LHFPL3: variants seen among roughly 807,000 people sequenced by gnomAD.
LHFPL3 encodes the protein LHFPL tetraspan subfamily member 3 protein.
Under a neutral mutation model 19.3 loss-of-function variants are expected in LHFPL3, and 5 were observed. The observed-to-expected ratio is 0.26, with a 90% CI of 0.14 to 0.54. The LOEUF is 0.54. Among genes scored for constraint, LHFPL3 ranks in the 20% least tolerant of loss-of-function variants. The pLI is 0.94. For synonymous variants in LHFPL3, 133 were observed against 126.2 expected, an observed-to-expected ratio of 1.05 and a Z score of -0.36; for missense variants, 249 against 307.4, an observed-to-expected ratio of 0.81 and a Z score of 1.42.
intron 1 of LHFPL3, among the ~76,000 whole-genome samples, chr7:104,486,693 T>TA (rs1239938180): frequency 1.1e-4 from 16 of 152,216 alleles, no homozygotes; most frequent in African/African-American, 3.6e-4. Context: ...TATTATTTCT[T>TA]AAAAAATGAA....
chr7:104,707,609 G>A (rs982465324), intron 1 of LHFPL3, among the ~76,000 whole-genome samples: 3 of 152,180 alleles, frequency 2.0e-5, no homozygotes, highest in Non-Finnish European at 2.9e-5. Flanking sequence ...CCTCTGACAC[G>A]TGAGGAGTTT....
intron 1 of LHFPL3, chr7:104,669,532 G>T: frequency 6.2e-7 from 1 of 1,611,816 alleles, no homozygotes. Context: ...TGCTCTCTCT[G>T]TTGATGGTGA....
At chr7:104,885,982 T>C (rs903370112) in intron 2 of LHFPL3, among the ~76,000 whole-genome samples, 1 of 152,166 alleles carries the variant, frequency 6.6e-6, no homozygotes, top group East Asian at 1.9e-4. Flanking sequence ...AGACATTTTG[T>C]TTCCTCATTC....
chr7:104,840,739 C>A (rs1299202491), intron 2 of LHFPL3, among the ~76,000 whole-genome samples: 1 of 151,934 alleles, frequency 6.6e-6, no homozygotes, highest in Non-Finnish European at 1.5e-5. Flanking sequence ...TCTACTACTA[C>A]CTAGGAAGTG....
rs558369129 is a variant in LHFPL3, at chr7:104,873,648, A to C, written c.683-32539A>C. On this transcript the variant is annotated intron_variant, in intron 2 of 2. Coordinates refer to ENST00000424859, the MANE Select transcript of LHFPL3 (RefSeq NM_199000.3). Reference sequence around the variant, plus strand: ...GTCTCTAAAAAGGAAAGAAAAAAAAACTGAAACTGGTATGTTAATGTTTAA... The same window carrying C: ...GTCTCTAAAAAGGAAAGAAAAAAAACCTGAAACTGGTATGTTAATGTTTAA... Among the ~76,000 whole-genome samples the C allele has an allele frequency of 5.3e-5, 8 of 152,280 alleles. No homozygotes were observed. In the South Asian group the frequency reaches 6.2e-4, roughly 12 times the overall value.
chr7:104,447,500 C>G (rs752067813), intron 1 of LHFPL3, among the ~76,000 whole-genome samples: 5 of 152,082 alleles, frequency 3.3e-5, no homozygotes, highest in Non-Finnish European at 5.9e-5. Flanking sequence ...TGATACAAGT[C>G]AAAAAGGCAG....
intron 2 of LHFPL3, among the ~76,000 whole-genome samples, chr7:104,872,193 T>C (rs1218517512): frequency 6.6e-6 from 1 of 151,142 alleles, no homozygotes; most frequent in Non-Finnish European, 1.5e-5. Context: ...AAAAATTATC[T>C]GGGCGTGGTG....
intron 1 of LHFPL3, among the ~76,000 whole-genome samples, chr7:104,609,526 G>A (rs1286198260): frequency 1.3e-5 from 2 of 152,162 alleles, no homozygotes; most frequent in South Asian, 2.1e-4. Flanking sequence ...CAGCTTAAAT[G>A]AGCAAGAGAG....
At chr7:104,847,032 T>TGAAGAAGAACAAGGGCAG (rs368636271) in intron 2 of LHFPL3, among the ~76,000 whole-genome samples, 1,637 of 152,268 alleles carry the variant, frequency 0.011, 37 homozygotes, top group African/African-American at 0.038. Context: ...TGTAACTAAC[T>TGAAGAAGAACAAGGGCAG]GAAGAAGAAC....
intron 1 of LHFPL3, among the ~76,000 whole-genome samples, chr7:104,642,254 T>A (rs1265453059): frequency 6.6e-6 from 1 of 151,958 alleles, no homozygotes; most frequent in Non-Finnish European, 1.5e-5. Context: ...GCCAGACTGG[T>A]CTCGAACTCC....
At chr7:104,512,614 T>A (rs1793840438) in intron 1 of LHFPL3, among the ~76,000 whole-genome samples, 1 of 152,054 alleles carries the variant, frequency 6.6e-6, no homozygotes, top group Non-Finnish European at 1.5e-5. Context: ...CAGAAGCTTA[T>A]AATCCCAGCT....
intron 2 of LHFPL3, among the ~76,000 whole-genome samples, chr7:104,771,269 T>C (rs969228189): frequency 1.3e-5 from 2 of 152,214 alleles, no homozygotes; most frequent in Admixed American, 6.5e-5. Flanking sequence ...CACAGGTGTA[T>C]GGCACTTTCA....
intron 1 of LHFPL3, among the ~76,000 whole-genome samples, chr7:104,361,515 C>T (rs1790391000): frequency 6.6e-6 from 1 of 152,118 alleles, no homozygotes; most frequent in Admixed American, 6.5e-5. Flanking sequence ...GAAGGAGAAG[C>T]AAGGAATAGG....
intron 2 of LHFPL3, among the ~76,000 whole-genome samples, chr7:104,783,573 G>A (rs115970334): frequency 7.5e-4 from 115 of 152,352 alleles, no homozygotes; most frequent in African/African-American, 2.5e-3. Flanking sequence ...GTAATCAGCA[G>A]TTGGATCAGG....
At chr7:104,608,574 C>A (rs913457934) in intron 1 of LHFPL3, among the ~76,000 whole-genome samples, 3 of 151,488 alleles carry the variant, frequency 2.0e-5, no homozygotes, top group South Asian at 2.1e-4. Flanking sequence ...TGCAGTACAC[C>A]AACATGGCAC....
intron 2 of LHFPL3, among the ~76,000 whole-genome samples, chr7:104,802,515 A>G (rs1790272973): frequency 9.4e-6 from 1 of 106,816 alleles, no homozygotes; most frequent in African/African-American, 3.1e-5. Flanking sequence ...AAAAAAAAAA[A>G]GAGAGAGAGA....
chr7:104,819,684 C>T (rs1790640681), intron 2 of LHFPL3, among the ~76,000 whole-genome samples: 1 of 152,154 alleles, frequency 6.6e-6, no homozygotes, highest in Non-Finnish European at 1.5e-5. Context: ...ACAGGGAAGT[C>T]CTTTGCTTGA....
chr7:104,615,773 G>A (rs1437413319), intron 1 of LHFPL3, among the ~76,000 whole-genome samples: 2 of 151,964 alleles, frequency 1.3e-5, no homozygotes, highest in African/African-American at 4.8e-5. Context: ...AGAACATGCG[G>A]TGTTTGGTTT....
At chr7:104,872,811 G>A (rs141090556) in intron 2 of LHFPL3, among the ~76,000 whole-genome samples, 135 of 152,240 alleles carry the variant, frequency 8.9e-4, no homozygotes, top group African/African-American at 3.1e-3. Context: ...GCCTGAAGCT[G>A]TTTTACAGTT....
Sources: gnomAD v4.1 joint callset for allele counts (sites outside exome capture counted in the v4.1 genomes callset) on GRCh38, gnomAD v4.1.1 for gene constraint, MANE v1.5 for transcripts, NCBI Gene and HGNC (gene_info 2026-07-23, HGNC 2026-07-21) for gene names.